ZNF578: variants seen among roughly 807,000 people sequenced by gnomAD.
ZNF578 encodes the protein zinc finger protein 578, also known as Putative chemokine-related protein B42.
ZNF578 carries 8 observed loss-of-function variants against 8.3 expected under a neutral mutation model. The ratio of observed to expected loss-of-function variants is 0.96; its 90% CI spans 0.56 to 1.74. The LOEUF is 1.74. ZNF578 is among the 40% of genes most tolerant of loss of function. The probability of loss-of-function intolerance (pLI) is 0.00; values close to 1 mark genes in which losing one functional copy is unlikely to be tolerated. For synonymous variants in ZNF578, 206 were observed against 232.2 expected, an observed-to-expected ratio of 0.89 and a Z score of 1.03; for missense variants, 726 against 707.5, an observed-to-expected ratio of 1.03 and a Z score of -0.30.
At chr19:52,492,939 C>T (rs1367466876) in intron 3 of ZNF578, 1 of 152,236 alleles carries the variant, frequency 6.6e-6, no homozygotes, top group Non-Finnish European at 1.5e-5. Context: ...ACTTTGGGTC[C>T]CCACGGACCT....
chr19:52,481,978 C>T (rs2059328049), intron 2 of ZNF578, among the ~76,000 whole-genome samples: 1 of 152,106 alleles, frequency 6.6e-6, no homozygotes, highest in Admixed American at 6.6e-5. Context: ...AAGGATCCTC[C>T]TGCCTTGGCC....
Position 52,510,837 on chromosome 19 carries a change from T to G in ZNF578, c.456T>G (p.Ile152Met), listed in dbSNP as rs751489991. The G allele has an allele frequency of 6.2e-7, 1 of 1,614,212 alleles. No individual in the cohort carries two copies. Among genetic ancestry groups the G allele is most frequent in the Non-Finnish European group, 8.5e-7 (1 of 1,180,028 alleles). ...AAAGGCATGCTGGAAACAAGCCTATTAAAGATCAGCTTGGATTAAGCTTTC... is the reference window on the plus strand; with the variant it reads ...AAAGGCATGCTGGAAACAAGCCTATGAAAGATCAGCTTGGATTAAGCTTTC... Reference protein sequence around the residue: ...HDQRHAGNKPIKDQLGLSFHL... With the variant: ...HDQRHAGNKPMKDQLGLSFHL... The change falls in exon 6 of 6, where the codon ATT becomes ATG. Residue 152 changes from isoleucine (I) to methionine (M), a missense_variant. Physicochemically the swap from Ile to Met is conservative, Grantham distance 10. Coordinates refer to ENST00000421239, the MANE Select transcript of ZNF578 (RefSeq NM_001099694.2).
In ZNF578 at chr19:52,487,854, C is replaced by T. The variant is rs148582199; in HGVS notation, c.-121-3470C>T. Among the ~76,000 whole-genome samples the T allele has an allele frequency of 1.4e-4, 21 of 152,132 alleles. No individual in the cohort carries two copies. The East Asian group carries it at 3.7e-3, about 27-fold the overall frequency. ...GTTTCACTATGTTTCCCAGGCTGGT[C>T]TCAAAATCCTGGGCTGAAAGGATCC... On this transcript the variant is annotated intron_variant, in intron 2 of 5. Coordinates refer to ENST00000421239, the MANE Select transcript of ZNF578 (RefSeq NM_001099694.2).
In ZNF578 at chr19:52,468,648, C is replaced by T. The variant is rs377700242; in HGVS notation, c.-122+11690C>T. ...CTGGGTGTGTCTGTGAGGGTGTTGC[C>T]GAGGAGATTGACATTTGAGTCAGTG... is the stretch of plus-strand genomic sequence containing the variant. On this transcript the variant is annotated intron_variant, in intron 2 of 5. Transcript: ENST00000421239. Among the ~76,000 whole-genome samples, 395 of 152,152 alleles carry T rather than the reference C, an allele frequency of 2.6e-3. 3 individuals carry two copies. Among genetic ancestry groups the T allele is most frequent in the African/African-American group, 9.0e-3 (375 of 41,504 alleles).
Position 52,499,272 on chromosome 19 carries a change from T to C in ZNF578, c.-19-2555T>C, listed in dbSNP as rs563809891. Reference sequence around the variant, plus strand: ...GGTCATTTTTAACTCAAATTTCAAATGAATTCCAGTTCTCCAAGATGAGCA... The same window carrying C: ...GGTCATTTTTAACTCAAATTTCAAACGAATTCCAGTTCTCCAAGATGAGCA... On this transcript the variant is annotated intron_variant, in intron 3 of 5. Transcript: ENST00000421239. 9.2e-5 allele frequency among the ~76,000 whole-genome samples: 14 copies of C among 152,296 alleles called. No individual in the cohort carries two copies. The South Asian group carries it at 2.5e-3, about 27-fold the overall frequency.
intron 2 of ZNF578, among the ~76,000 whole-genome samples, chr19:52,469,022 C>T (rs987378377): frequency 6.6e-6 from 1 of 152,138 alleles, no homozygotes; most frequent in Non-Finnish European, 1.5e-5. Flanking sequence ...TTGCATACAG[C>T]CTATCATGGG....
intron 2 of ZNF578, among the ~76,000 whole-genome samples, chr19:52,466,686 G>A (rs2059276217): frequency 6.6e-6 from 1 of 152,170 alleles, no homozygotes. Flanking sequence ...TGTTATATAA[G>A]TTAATTTAAT....
chr19:52,497,873 G>A (rs972597986), intron 3 of ZNF578, among the ~76,000 whole-genome samples: 2 of 152,056 alleles, frequency 1.3e-5, no homozygotes, highest in African/African-American at 4.8e-5. Context: ...AAGTCCCTCT[G>A]GTCCATAATA....
chr19:52,462,419 C>G (rs936464362), intron 2 of ZNF578, among the ~76,000 whole-genome samples: 2 of 152,104 alleles, frequency 1.3e-5, no homozygotes, highest in Non-Finnish European at 2.9e-5. Context: ...GCTCAGGCAT[C>G]CAAACACTAT....
At chr19:52,455,511 A>T (rs2059237046) in intron 1 of ZNF578, 3 of 152,006 alleles carry the variant, frequency 2.0e-5, no homozygotes. Flanking sequence ...TTTCTTTATC[A>T]TTTCATCTCA....
chr19:52,490,350 A>G (rs2059361133), intron 2 of ZNF578, among the ~76,000 whole-genome samples: 1 of 152,188 alleles, frequency 6.6e-6, no homozygotes, highest in Non-Finnish European at 1.5e-5. Flanking sequence ...TGATCTTAAC[A>G]TGTATTTCAG....
intron 5 of ZNF578, among the ~76,000 whole-genome samples, chr19:52,508,231 GC>G (rs969421289): frequency 2.0e-5 from 3 of 151,894 alleles, no homozygotes; most frequent in East Asian, 1.9e-4. Flanking sequence ...TATAGTCCCA[GC>G]TACTTGGGAG....
At chr19:52,479,315 C>G (rs190875521) in intron 2 of ZNF578, among the ~76,000 whole-genome samples, 1 of 151,962 alleles carries the variant, frequency 6.6e-6, no homozygotes, top group Admixed American at 6.5e-5. Flanking sequence ...GCGGGCAGAT[C>G]ATGAGGTCAG....
intron 2 of ZNF578, among the ~76,000 whole-genome samples, chr19:52,459,751 GTA>G (rs1555751338): frequency 2.1e-4 from 1 of 4,770 alleles, no homozygotes; most frequent in Non-Finnish European, 1.1e-3. Flanking sequence ...GTGTGTGTGT[GTA>G]TATATATATA....
At chr19:52,485,572 G>T (rs976813674) in intron 2 of ZNF578, among the ~76,000 whole-genome samples, 6 of 152,078 alleles carry the variant, frequency 3.9e-5, no homozygotes, top group East Asian at 1.9e-4. Flanking sequence ...GACTGTTACT[G>T]TGTCTACGTA....
chr19:52,507,784 T>C (rs1259872074), intron 5 of ZNF578, among the ~76,000 whole-genome samples: 2 of 152,154 alleles, frequency 1.3e-5, no homozygotes, highest in Admixed American at 6.6e-5. Context: ...ACGAGCTGGC[T>C]CATGAGTGTA....
chr19:52,498,587 A>G (rs1466350402), intron 3 of ZNF578, among the ~76,000 whole-genome samples: 1 of 150,246 alleles, frequency 6.7e-6, no homozygotes, highest in African/African-American at 2.5e-5. Flanking sequence ...ATGTCACCAT[A>G]TTGGCCAGGA....
chr19:52,484,899 A>G (rs1409625256), intron 2 of ZNF578, among the ~76,000 whole-genome samples: 4 of 146,018 alleles, frequency 2.7e-5, no homozygotes, highest in Non-Finnish European at 4.5e-5. Context: ...GGTGAAATAA[A>G]CAGCCATGTT....
intron 2 of ZNF578, among the ~76,000 whole-genome samples, chr19:52,483,568 T>C (rs950483336): frequency 6.6e-6 from 1 of 152,186 alleles, no homozygotes; most frequent in Non-Finnish European, 1.5e-5. Flanking sequence ...AATATAAACA[T>C]TCAGACCAGG....
Sources: gnomAD v4.1 joint callset for allele counts (sites outside exome capture counted in the v4.1 genomes callset) on GRCh38, gnomAD v4.1.1 for gene constraint, MANE v1.5 for transcripts, NCBI Gene and HGNC (gene_info 2026-07-23, HGNC 2026-07-21) for gene names.